Variants in RBFOX3 observed in about 807,000 individuals in gnomAD.
RBFOX3 encodes the protein RNA binding protein fox-1 homolog 3.
RBFOX3 carries 17 observed loss-of-function variants against 48.7 expected under a neutral mutation model. The ratio of observed to expected loss-of-function variants is 0.35; its 90% CI spans 0.24 to 0.52. The LOEUF is 0.52. RBFOX3 is among the 20% of genes least tolerant of loss of function. The pLI is 0.94. For synonymous variants in RBFOX3, 212 were observed against 209.5 expected (o/e 1.01, Z -0.10); for missense variants, 382 against 497.5 (o/e 0.77, Z 2.21).
Position 79,487,060 on chromosome 17 carries a change from T to C in RBFOX3, c.-319-4462A>G, listed in dbSNP as rs2079712569. On this transcript the variant is annotated intron_variant, in intron 1 of 14. Coordinates refer to ENST00000693108, the MANE Select transcript of RBFOX3 (RefSeq NM_001350451.2). Reference sequence around the variant, plus strand: ...GCAGATACACAAAGGGAGAGGGAGGTAGCAGAAGGAGTGAGAGAGACCGAG... The same window carrying C: ...GCAGATACACAAAGGGAGAGGGAGGCAGCAGAAGGAGTGAGAGAGACCGAG... Among the ~76,000 whole-genome samples the C allele has an allele frequency of 6.6e-5, 10 of 151,392 alleles. No homozygotes were observed. The South Asian group carries it at 2.1e-3, about 32-fold the overall frequency.
At chr17:79,131,025 ATG>A (rs1568189286) in intron 4 of RBFOX3, among the ~76,000 whole-genome samples, 2 of 150,944 alleles carry the variant, frequency 1.3e-5, no homozygotes, top group Admixed American at 6.6e-5. Flanking sequence ...TGTGTGCCCC[ATG>A]TGTGCTGTGC....
chr17:79,276,484 G>C (rs1398821299), intron 3 of RBFOX3, among the ~76,000 whole-genome samples: 1 of 152,110 alleles, frequency 6.6e-6, no homozygotes, highest in African/African-American at 2.4e-5. Context: ...TCAGGAGTTC[G>C]AGACCAGCCT....
rs181886349 is a variant in RBFOX3 at position 79,547,141 on chromosome 17, A to G, written c.-320+63685T>C. 1.4e-3 allele frequency among the ~76,000 whole-genome samples: 208 copies of G among 152,324 alleles called. 2 individuals are homozygous for G. The highest frequency in any genetic ancestry group is 9.7e-4 in the East Asian group (5 of 5,168). ...TGAGTCTGCCCTGGGGTTCAGAGAT[A>G]AAAGCATCTTTCAAGCCAACTCCCA... On this transcript the variant is annotated intron_variant, in intron 1 of 14. Coordinates refer to ENST00000693108, the MANE Select transcript of RBFOX3 (RefSeq NM_001350451.2).
At chr17:79,439,618 ACACT>A (rs2148986769) in intron 2 of RBFOX3, among the ~76,000 whole-genome samples, 1 of 152,340 alleles carries the variant, frequency 6.6e-6, no homozygotes, top group East Asian at 1.9e-4. Flanking sequence ...TGTCATGCAC[ACACT>A]CAGCTCACAC....
intron 1 of RBFOX3, among the ~76,000 whole-genome samples, chr17:79,491,205 C>A (rs2149599872): frequency 8.7e-6 from 1 of 115,168 alleles, no homozygotes; most frequent in Non-Finnish European, 1.8e-5. Flanking sequence ...AGGGCAGGTG[C>A]AGAGCCTTGG....
In RBFOX3 at chr17:79,253,430, G is replaced by A. The variant is rs572150659; in HGVS notation, c.-73-17625C>T. On this transcript the variant is annotated intron_variant, in intron 3 of 14. Transcript: ENST00000693108. Reference sequence around the variant, plus strand: ...ATCCAGTATATACATAACCAGAAACGAATCTTTCTTTATGGACCATTAAAG... The same window carrying A: ...ATCCAGTATATACATAACCAGAAACAAATCTTTCTTTATGGACCATTAAAG... Among the ~76,000 whole-genome samples, 8 of 152,242 alleles carry A rather than the reference G, an allele frequency of 5.3e-5. No homozygotes were observed. The East Asian group carries it at 1.4e-3, about 26-fold the overall frequency.
At chr17:79,543,768 C>T (rs566482812) in intron 1 of RBFOX3, among the ~76,000 whole-genome samples, 32 of 151,646 alleles carry the variant, frequency 2.1e-4, no homozygotes, top group African/African-American at 6.5e-4. Context: ...TCCACAGCAC[C>T]GTGTGATTCT....
chr17:79,616,540 A>T, the RBFOX3 span, among the ~76,000 whole-genome samples: 2 of 141,602 alleles, frequency 1.4e-5, no homozygotes, highest in African/African-American at 2.6e-5. Context: ...CATCTCAAGA[A>T]AAAAAAAAAA....
chr17:79,617,160 T>G, the RBFOX3 span, among the ~76,000 whole-genome samples: 1 of 152,160 alleles, frequency 6.6e-6, no homozygotes, highest in Admixed American at 6.5e-5. Context: ...CCTGCACGCC[T>G]CCTTCTAGTT....
chr17:79,508,583 G>A (rs1049026664), intron 1 of RBFOX3, among the ~76,000 whole-genome samples: 163 of 152,302 alleles, frequency 1.1e-3, no homozygotes, highest in African/African-American at 3.5e-3. Context: ...TGACTCATCT[G>A]GGGTTGGGGT....
intron 1 of RBFOX3, among the ~76,000 whole-genome samples, chr17:79,504,873 T>C (rs2082868080): frequency 6.6e-6 from 1 of 152,120 alleles, no homozygotes. Flanking sequence ...TAAAAACATA[T>C]ACAGATGCGG....
chr17:79,429,235 T>G (rs1447923302), intron 2 of RBFOX3, among the ~76,000 whole-genome samples: 1 of 152,220 alleles, frequency 6.6e-6, no homozygotes, highest in Non-Finnish European at 1.5e-5. Context: ...AAGGCATCCT[T>G]GACCCTCTGT....
chr17:79,519,931 G>T (rs1229235954), intron 1 of RBFOX3, among the ~76,000 whole-genome samples: 2 of 152,182 alleles, frequency 1.3e-5, no homozygotes, highest in Non-Finnish European at 2.9e-5. Flanking sequence ...CCCATGGCTG[G>T]TTTTCCTCTG....
intron 4 of RBFOX3, among the ~76,000 whole-genome samples, chr17:79,206,430 C>T (rs901227442): frequency 2.0e-5 from 3 of 152,108 alleles, no homozygotes; most frequent in Admixed American, 6.5e-5. Context: ...GAGGAGTCTC[C>T]GGCAAGTCTC....
At chr17:79,095,290 T>C (rs976305036) in intron 13 of RBFOX3, among the ~76,000 whole-genome samples, 2 of 152,164 alleles carry the variant, frequency 1.3e-5, no homozygotes, top group African/African-American at 2.4e-5. Context: ...GGTCTCCACC[T>C]GGGGTTTCCA....
chr17:79,656,659 GAGAAGAAAGGAAA>G, the RBFOX3 span, among the ~76,000 whole-genome samples: 9 of 123,298 alleles, frequency 7.3e-5, no homozygotes, highest in African/African-American at 3.3e-4. Context: ...AAGAAAGGAA[GAGAAGAAAGGAAA>G]GAAGGAAGGA....
chr17:79,609,075 A>T (rs2093908908), intron 1 of RBFOX3, among the ~76,000 whole-genome samples: 3 of 152,168 alleles, frequency 2.0e-5, no homozygotes, highest in Non-Finnish European at 4.4e-5. Context: ...GCTCACCTGG[A>T]GGGTCGGTTT....
At chr17:79,625,987 C>T in the RBFOX3 span, among the ~76,000 whole-genome samples, 1 of 152,196 alleles carries the variant, frequency 6.6e-6, no homozygotes, top group African/African-American at 2.4e-5. Flanking sequence ...TTTGCAGTTG[C>T]TCCAGGGGAA....
At chr17:79,090,948 G>T in intron 14 of RBFOX3, 63 bp from the exon 15 acceptor site, 1 of 1,506,250 alleles carries the variant, frequency 6.6e-7, no homozygotes, top group Non-Finnish European at 8.9e-7. Context: ...AGGTGTGAAG[G>T]CGACAGGACC....
Sources: gnomAD v4.1 joint callset for allele counts (sites outside exome capture counted in the v4.1 genomes callset) on GRCh38, gnomAD v4.1.1 for gene constraint, MANE v1.5 for transcripts, NCBI Gene and HGNC (gene_info 2026-07-23, HGNC 2026-07-21) for gene names.